Variants in FSTL5 observed in about 807,000 individuals in gnomAD.
The protein encoded by FSTL5 is follistatin like 5, also known as follistatin-related protein 5.
A neutral mutation model predicts 89.1 loss-of-function variants in FSTL5; 62 were observed. The observed-to-expected ratio is 0.70, with a 90% CI of 0.57 to 0.86. The LOEUF (loss-of-function observed/expected upper bound fraction) is 0.86, where lower values mean the gene tolerates loss of function less well. Ranked by LOEUF, FSTL5 falls within the 40% of genes least tolerant of loss-of-function variation. The pLI is 0.00. For missense variants in FSTL5, 1,057 were observed against 1,001.6 expected (o/e 1.06, Z -0.75); for synonymous variants, 383 against 346.2 (o/e 1.11, Z -1.18).
In FSTL5 at chr4:162,138,189, A is replaced by G. The variant is rs532424654; in HGVS notation, c.-17+25426T>C. On this transcript the variant is annotated intron_variant, in intron 1 of 15. Transcript: ENST00000306100. ...CAGAAGCCTTCTTGCTCTTCAATGTACTAAGTAATATGTGAAGTTCAATAA... is the reference window on the plus strand; with the variant it reads ...CAGAAGCCTTCTTGCTCTTCAATGTGCTAAGTAATATGTGAAGTTCAATAA... Among the ~76,000 whole-genome samples, 27 of 152,292 alleles carry G rather than the reference A, an allele frequency of 1.8e-4. 1 individual carries two copies. The South Asian group carries it at 5.2e-3, about 29-fold the overall frequency.
At chr4:161,546,033 A>C (rs1731993715) in intron 8 of FSTL5, among the ~76,000 whole-genome samples, 1 of 151,808 alleles carries the variant, frequency 6.6e-6, no homozygotes, top group African/African-American at 2.4e-5. Flanking sequence ...GCTATAAAAC[A>C]TAATGTTGTA....
chr4:162,045,140 C>T (rs1578981737), intron 2 of FSTL5, among the ~76,000 whole-genome samples: 2 of 152,252 alleles, frequency 1.3e-5, no homozygotes, highest in South Asian at 4.1e-4. Context: ...ATAACTTTCT[C>T]AGTAAGCTTA....
intron 7 of FSTL5, among the ~76,000 whole-genome samples, chr4:161,595,279 G>C (rs1733971733): frequency 6.6e-6 from 1 of 152,018 alleles, no homozygotes; most frequent in Admixed American, 6.6e-5. Flanking sequence ...ATGGTTGAGA[G>C]TTATGACCTT....
intron 6 of FSTL5, among the ~76,000 whole-genome samples, chr4:161,737,114 A>G (rs985966403): frequency 2.0e-5 from 3 of 152,116 alleles, no homozygotes; most frequent in Non-Finnish European, 4.4e-5. Flanking sequence ...AATCTACTCC[A>G]AGTACTTTAG....
At chr4:161,631,063 C>T (rs934901863) in intron 7 of FSTL5, among the ~76,000 whole-genome samples, 3 of 152,068 alleles carry the variant, frequency 2.0e-5, no homozygotes, top group African/African-American at 7.2e-5. Flanking sequence ...TTCAATGTAC[C>T]TGGCATTTTT....
intron 4 of FSTL5, among the ~76,000 whole-genome samples, chr4:161,841,389 T>C (rs2126871981): frequency 6.6e-6 from 1 of 152,346 alleles, no homozygotes; most frequent in Non-Finnish European, 1.5e-5. Context: ...TATAGTAGAA[T>C]GTATGCACCT....
intron 15 of FSTL5, among the ~76,000 whole-genome samples, chr4:161,435,079 A>AC (rs879578992): frequency 1.8e-4 from 27 of 151,958 alleles, no homozygotes; most frequent in Non-Finnish European, 3.7e-4. Flanking sequence ...TAGGCATATA[A>AC]CCCCCCAAAA....
intron 1 of FSTL5, among the ~76,000 whole-genome samples, chr4:162,161,019 C>G (rs1733674509): frequency 6.6e-6 from 1 of 151,764 alleles, no homozygotes; most frequent in Admixed American, 6.6e-5. Flanking sequence ...GGTTGAGAAA[C>G]AATTTAAAAA....
chr4:161,558,421 CAA>C lies in FSTL5; in HGVS notation c.1016-15730_1016-15729del, dbSNP rs561986244. On this transcript the variant is annotated intron_variant, in intron 8 of 15. Coordinates refer to ENST00000306100, the MANE Select transcript of FSTL5 (RefSeq NM_020116.5). ...ACTGCATAAGAATTTACAGTTATCTCAAAATTAAAAAGTGTAATTAAATATTT... is the reference window on the plus strand; with the variant it reads ...ACTGCATAAGAATTTACAGTTATCTCAATTAAAAAGTGTAATTAAATATTT... Among the ~76,000 whole-genome samples the C allele has an allele frequency of 2.7e-3, 412 of 151,872 alleles. 2 individuals are homozygous for C. Among genetic ancestry groups the C allele is most frequent in the African/African-American group, 9.3e-3 (386 of 41,470 alleles).
intron 2 of FSTL5, among the ~76,000 whole-genome samples, chr4:162,045,249 A>T (rs1485069408): frequency 6.6e-6 from 1 of 152,120 alleles, no homozygotes; most frequent in East Asian, 1.9e-4. Context: ...GCCTAATTTC[A>T]GTATTATTGC....
chr4:161,652,609 T>C (rs553495828), intron 7 of FSTL5, among the ~76,000 whole-genome samples: 1 of 152,248 alleles, frequency 6.6e-6, no homozygotes, highest in Admixed American at 6.5e-5. Flanking sequence ...AGAGTACATG[T>C]ATACACACGG....
intron 8 of FSTL5, among the ~76,000 whole-genome samples, chr4:161,581,436 T>C (rs1486106552): frequency 6.6e-6 from 1 of 151,790 alleles, no homozygotes; most frequent in Non-Finnish European, 1.5e-5. Context: ...ACTTTCTAGA[T>C]CTCTCTGCAG....
chr4:161,775,762 T>G (rs1741385902), intron 5 of FSTL5, 116 bp downstream of exon 5: 1 of 534,312 alleles, frequency 1.9e-6, no homozygotes, highest in Non-Finnish European at 3.2e-6. Context: ...ATTCATATAC[T>G]TTTCAATAAT....
intron 4 of FSTL5, among the ~76,000 whole-genome samples, chr4:161,839,382 A>G (rs765690622): frequency 3.9e-5 from 6 of 152,178 alleles, no homozygotes; most frequent in Non-Finnish European, 7.4e-5. Context: ...AGGTATTATT[A>G]TAAACCACTT....
At chr4:161,942,841 G>C (rs1265898392) in intron 3 of FSTL5, among the ~76,000 whole-genome samples, 2 of 152,064 alleles carry the variant, frequency 1.3e-5, no homozygotes, top group African/African-American at 2.4e-5. Flanking sequence ...AATTGGGAGA[G>C]GGAAGGCATA....
At chr4:161,389,527 T>A (rs1230411101) in intron 15 of FSTL5, among the ~76,000 whole-genome samples, 2 of 152,164 alleles carry the variant, frequency 1.3e-5, no homozygotes, top group African/African-American at 4.8e-5. Context: ...TAAGCTAAGA[T>A]CCTGAAATGA....
intron 4 of FSTL5, among the ~76,000 whole-genome samples, chr4:161,884,926 A>G (rs959239719): frequency 2.6e-5 from 4 of 152,174 alleles, no homozygotes; most frequent in African/African-American, 9.7e-5. Flanking sequence ...TTCTGGTGGT[A>G]GTCATTGCTC....
chr4:162,082,528 ATTC>A (rs1730139870), intron 2 of FSTL5, among the ~76,000 whole-genome samples: 2 of 53,132 alleles, frequency 3.8e-5, no homozygotes, highest in South Asian at 9.2e-4. Context: ...GGATAAACAA[ATTC>A]TTTTTTTTTT....
chr4:161,909,819 C>G (rs1733640260), intron 4 of FSTL5, among the ~76,000 whole-genome samples: 1 of 152,004 alleles, frequency 6.6e-6, no homozygotes, highest in Non-Finnish European at 1.5e-5. Context: ...CTGCACTTGC[C>G]CTGTTCCTCT....
Sources: allele counts gnomAD v4.1 joint callset (sites outside exome capture counted in the v4.1 genomes callset), GRCh38; gene constraint gnomAD v4.1.1; transcripts MANE v1.5; gene names NCBI Gene and HGNC (gene_info 2026-07-23, HGNC 2026-07-21).